GLIS3: variants seen among roughly 807,000 people sequenced by gnomAD.
GLIS3 encodes zinc finger protein GLIS3.
In GLIS3, 53 loss-of-function variants were observed where a neutral mutation model predicts 78.6. The ratio of observed to expected loss-of-function variants is 0.67; its 90% CI spans 0.54 to 0.85. The LOEUF (loss-of-function observed/expected upper bound fraction) is 0.85, where lower values mean the gene tolerates loss of function less well. GLIS3 is among the 40% of genes least tolerant of loss of function. The probability of loss-of-function intolerance (pLI) is 0.00; values close to 1 mark genes in which losing one functional copy is unlikely to be tolerated. For missense variants in GLIS3, 1,703 were observed against 1,231.1 expected (o/e 1.38, Z -5.74); for synonymous variants, 684 against 509.9 (o/e 1.34, Z -4.60).
chr9:4,490,152 G>A, the GLIS3 span, among the ~76,000 whole-genome samples: 1 of 152,238 alleles, frequency 6.6e-6, no homozygotes, highest in South Asian at 2.1e-4. Context: ...GCGCCCAGGA[G>A]GGCAGTGGCT....
intron 8 of GLIS3, among the ~76,000 whole-genome samples, chr9:3,875,427 C>T (rs1821247575): frequency 6.8e-6 from 1 of 147,914 alleles, no homozygotes; most frequent in African/African-American, 2.4e-5. Context: ...GACAGTGACT[C>T]AGCCCATTTT....
chr9:4,331,844 G>T (rs1305091229), intron 2 of GLIS3, among the ~76,000 whole-genome samples: 1 of 152,122 alleles, frequency 6.6e-6, no homozygotes, highest in African/African-American at 2.4e-5. Flanking sequence ...GAGAACACAT[G>T]AACAAAGGCC....
At chr9:3,861,273 G>C (rs1424184222) in intron 8 of GLIS3, among the ~76,000 whole-genome samples, 1 of 152,034 alleles carries the variant, frequency 6.6e-6, no homozygotes, top group Non-Finnish European at 1.5e-5. Flanking sequence ...TAAACACTAA[G>C]GCTCAACAGA....
intron 6 of GLIS3, among the ~76,000 whole-genome samples, chr9:3,927,576 G>C (rs1180708917): frequency 6.6e-6 from 1 of 152,224 alleles, no homozygotes; most frequent in African/African-American, 2.4e-5. Context: ...TTACCCCAGA[G>C]ATGGTGGTAG....
At chr9:4,420,340 T>C in the GLIS3 span, among the ~76,000 whole-genome samples, 1 of 152,180 alleles carries the variant, frequency 6.6e-6, no homozygotes, top group Admixed American at 6.5e-5. Flanking sequence ...CCATATTCTA[T>C]TACCTTGAGT....
upstream of GLIS3, among the ~76,000 whole-genome samples, chr9:4,348,923 T>C (rs191953892): frequency 1.1e-4 from 16 of 152,372 alleles, no homozygotes; most frequent in South Asian, 4.1e-4. Flanking sequence ...TCTTCTTCTT[T>C]ATAGTTTTTC....
chr9:3,932,866 G>T (rs889283584), intron 5 of GLIS3: 1 of 374,020 alleles, frequency 2.7e-6, no homozygotes, highest in African/African-American at 2.1e-5. Context: ...AAGGGTTCAG[G>T]TAAAGAAGCT....
chr9:3,949,439 G>A (rs1281210920), intron 4 of GLIS3, among the ~76,000 whole-genome samples: 1 of 152,110 alleles, frequency 6.6e-6, no homozygotes, highest in Non-Finnish European at 1.5e-5. Flanking sequence ...AGTGATACCT[G>A]GCATAAAAGA....
intron 9 of GLIS3, among the ~76,000 whole-genome samples, chr9:3,852,872 G>A (rs187841631): frequency 2.0e-5 from 3 of 152,266 alleles, no homozygotes; most frequent in Admixed American, 6.5e-5. Context: ...GCTGATATTA[G>A]CAGTTTCTCA....
At chr9:4,097,771 T>A (rs974797365) in intron 4 of GLIS3, among the ~76,000 whole-genome samples, 1 of 152,196 alleles carries the variant, frequency 6.6e-6, no homozygotes, top group Non-Finnish European at 1.5e-5. Flanking sequence ...AGGCAGTTTA[T>A]TGAGATCATA....
At chr9:4,162,319 A>G (rs577217145) in intron 2 of GLIS3, among the ~76,000 whole-genome samples, 18 of 152,256 alleles carry the variant, frequency 1.2e-4, no homozygotes, top group African/African-American at 4.3e-4. Flanking sequence ...ATCTCCAGAA[A>G]AACAAAAGTC....
chr9:4,033,389 C>A (rs1421076875), intron 4 of GLIS3, among the ~76,000 whole-genome samples: 1 of 152,132 alleles, frequency 6.6e-6, no homozygotes, highest in Non-Finnish European at 1.5e-5. Context: ...CAGAAGAAGG[C>A]TCCAGGCCAT....
At chr9:4,245,659 A>T (rs775396726) in intron 2 of GLIS3, among the ~76,000 whole-genome samples, 3 of 152,182 alleles carry the variant, frequency 2.0e-5, no homozygotes, top group Non-Finnish European at 4.4e-5. Context: ...TTGTTTTGAA[A>T]ACTGATATAA....
At chr9:4,314,961 G>A (rs1339610541) in intron 2 of GLIS3, among the ~76,000 whole-genome samples, 2 of 152,190 alleles carry the variant, frequency 1.3e-5, no homozygotes, top group East Asian at 1.9e-4. Flanking sequence ...AAAATGGGAA[G>A]CCCCGAAAGC....
At chr9:4,355,003 G>C in the GLIS3 span, among the ~76,000 whole-genome samples, 30 of 151,950 alleles carry the variant, frequency 2.0e-4, no homozygotes, top group Middle Eastern at 3.4e-3. Flanking sequence ...GTAGTCCCAG[G>C]TACTCGGGAG....
intron 2 of GLIS3, among the ~76,000 whole-genome samples, chr9:4,336,445 GATCA>G (rs1817758765): frequency 1.3e-5 from 2 of 152,148 alleles, no homozygotes; most frequent in African/African-American, 4.8e-5. Context: ...GATCCCTTAG[GATCA>G]TTGCTACAGT....
the GLIS3 span, among the ~76,000 whole-genome samples, chr9:4,479,975 G>A: frequency 2.5e-5 from 3 of 121,550 alleles, no homozygotes; most frequent in Non-Finnish European, 3.2e-5. Flanking sequence ...GGCTGGTCTT[G>A]AACTCCCGAC....
chr9:4,424,135 G>C, the GLIS3 span, among the ~76,000 whole-genome samples: 1 of 152,180 alleles, frequency 6.6e-6, no homozygotes, highest in African/African-American at 2.4e-5. Flanking sequence ...TGAACCATCA[G>C]TGTAAAAGTT....
the GLIS3 span, among the ~76,000 whole-genome samples, chr9:4,480,176 G>C: frequency 6.7e-6 from 1 of 148,568 alleles, no homozygotes; most frequent in African/African-American, 2.5e-5. Context: ...AATTCTGTGA[G>C]ACAAGTTTTC....
Sources: gnomAD v4.1 joint callset for allele counts (sites outside exome capture counted in the v4.1 genomes callset) on GRCh38, gnomAD v4.1.1 for gene constraint, MANE v1.5 for transcripts, NCBI Gene and HGNC (gene_info 2026-07-23, HGNC 2026-07-21) for gene names.